MACC1: variants seen among roughly 807,000 people sequenced by gnomAD.
MACC1 encodes the protein MET transcriptional regulator MACC1.
A neutral mutation model predicts 70.7 loss-of-function variants in MACC1; 79 were observed. The ratio of observed to expected loss-of-function variants is 1.12; its 90% CI spans 0.93 to 1.35. The LOEUF (loss-of-function observed/expected upper bound fraction) is 1.35, where lower values mean the gene tolerates loss of function less well. Ranked by LOEUF, MACC1 falls within the 40% of genes most tolerant of loss-of-function variation. The pLI is 0.00. For synonymous variants in MACC1, 361 were observed against 347.2 expected, an observed-to-expected ratio of 1.04 and a Z score of -0.44; for missense variants, 1,106 against 978.1, an observed-to-expected ratio of 1.13 and a Z score of -1.74.
At chr7:20,152,436 G>A (rs537682157) in intron 6 of MACC1, among the ~76,000 whole-genome samples, 2 of 152,206 alleles carry the variant, frequency 1.3e-5, no homozygotes, top group Admixed American at 6.5e-5. Context: ...TTAGGAGGTT[G>A]GAAATTAGCA....
chr7:20,163,400 C>A (rs1227034995), intron 3 of MACC1, among the ~76,000 whole-genome samples: 18 of 152,216 alleles, frequency 1.2e-4, no homozygotes, highest in Non-Finnish European at 1.0e-4. Context: ...TAGTACCCAA[C>A]AATTCCAATC....
intron 4 of MACC1, 51 bp downstream of exon 4, chr7:20,161,697 G>T (rs1199898121): frequency 9.1e-7 from 1 of 1,095,614 alleles, no homozygotes; most frequent in South Asian, 1.4e-5. Context: ...TATTGGTGAT[G>T]AATTTCATAT....
chr7:20,190,224 T>C (rs1036110658), intron 1 of MACC1, among the ~76,000 whole-genome samples: 12 of 152,258 alleles, frequency 7.9e-5, no homozygotes, highest in Non-Finnish European at 1.2e-4. Flanking sequence ...CCCTGTGACC[T>C]AACACCAAAC....
chr7:20,156,691 T>C (rs1782059353), intron 5 of MACC1, among the ~76,000 whole-genome samples: 1 of 152,172 alleles, frequency 6.6e-6, no homozygotes, highest in African/African-American at 2.4e-5. Context: ...CAACTGGATA[T>C]AGGAGCTTTT....
At position 20,158,618 on chromosome 7, in the gene MACC1, G is replaced by C; in HGVS notation, c.1743C>G (p.Leu581=). Residue 581 remains leucine (L), a synonymous_variant, in exon 5 of 7, where the codon CTC becomes CTG. Coordinates refer to ENST00000400331, the MANE Select transcript of MACC1 (RefSeq NM_182762.4). ...CAATAGCTTTTACCTTACCTTCCCC[G>C]AGGAGAGCTATTGTGTCCCCTTTGA... The part of the protein sequence containing the change: ...EYFKGDTIAL[L]GEGKVKAIGQ... The C allele has an allele frequency of 6.2e-7, 1 of 1,613,904 alleles. No homozygotes were observed. Among genetic ancestry groups the C allele is most frequent in the East Asian group, 2.2e-5 (1 of 44,864 alleles).
chr7:20,166,587 T>C (rs1484465090), intron 2 of MACC1, among the ~76,000 whole-genome samples: 3 of 152,172 alleles, frequency 2.0e-5, no homozygotes, highest in Non-Finnish European at 4.4e-5. Context: ...TGACCAAATA[T>C]TTAAAAGACC....
At chr7:20,209,299 G>A (rs1259956912) in intron 1 of MACC1, among the ~76,000 whole-genome samples, 1 of 152,240 alleles carries the variant, frequency 6.6e-6, no homozygotes, top group Non-Finnish European at 1.5e-5. Context: ...GACAATGCCA[G>A]CCTGTGAAAG....
chr7:20,186,753 T>G (rs965277835), intron 1 of MACC1, among the ~76,000 whole-genome samples: 52 of 152,130 alleles, frequency 3.4e-4, no homozygotes, highest in African/African-American at 1.0e-3. Context: ...GATGTTAATC[T>G]CTACACAATT....
chr7:20,169,448 G>A (rs776311354), intron 2 of MACC1, among the ~76,000 whole-genome samples: 4 of 152,190 alleles, frequency 2.6e-5, no homozygotes, highest in African/African-American at 7.2e-5. Context: ...TGGACAAGAC[G>A]TGGGTTTATA....
At chr7:20,151,054 G>GA (rs58699284) in intron 6 of MACC1, among the ~76,000 whole-genome samples, 447 of 99,418 alleles carry the variant, frequency 4.5e-3, no homozygotes, top group African/African-American at 6.2e-3. Context: ...TCTCAAAGGA[G>GA]AAAAAAAAAA....
intron 6 of MACC1, among the ~76,000 whole-genome samples, chr7:20,147,259 C>T (rs1781906113): frequency 6.6e-6 from 1 of 152,106 alleles, no homozygotes; most frequent in Non-Finnish European, 1.5e-5. Flanking sequence ...AATGAAATGC[C>T]ACATGAGTAG....
At chr7:20,168,479 G>A (rs1562589623) in intron 2 of MACC1, among the ~76,000 whole-genome samples, 1 of 152,096 alleles carries the variant, frequency 6.6e-6, no homozygotes, top group African/African-American at 2.4e-5. Flanking sequence ...AGTGATCATA[G>A]AACACAAAGA....
intron 1 of MACC1, among the ~76,000 whole-genome samples, chr7:20,213,237 A>G (rs544992430): frequency 6.6e-6 from 1 of 152,336 alleles, no homozygotes; most frequent in Non-Finnish European, 1.5e-5. Flanking sequence ...ATCATCTAAC[A>G]CCAGTCCGAA....
At chr7:20,169,937 A>G (rs555225761) in intron 2 of MACC1, among the ~76,000 whole-genome samples, 26 of 152,186 alleles carry the variant, frequency 1.7e-4, no homozygotes, top group African/African-American at 3.4e-4. Context: ...AACTTTGCCA[A>G]CTGGGCCCAT....
chr7:20,137,586 T>A lies in MACC1; in HGVS notation c.*3360A>T, dbSNP rs747801317. The A allele has an allele frequency of 6.6e-6, 1 of 152,220 alleles. No individual in the cohort carries two copies. The highest frequency in any genetic ancestry group is 1.9e-4 in the East Asian group (1 of 5,208). 9.4% of individuals were successfully genotyped at this position (152,220 alleles called of 1,614,324 possible). ...AAAGCCTGAGGAACTGAAAGAACCA[T>A]GTAAACATTTTCTGCTTTCAAAATG... On this transcript the variant is annotated 3_prime_UTR_variant, in exon 7 of 7. Coordinates refer to ENST00000400331, the MANE Select transcript of MACC1 (RefSeq NM_182762.4).
chr7:20,178,855 C>G (rs978863517), intron 1 of MACC1, among the ~76,000 whole-genome samples: 2 of 152,194 alleles, frequency 1.3e-5, no homozygotes, highest in Non-Finnish European at 2.9e-5. Flanking sequence ...CCATCTTGGC[C>G]TCCCAAAGTG....
chr7:20,159,252 G>A lies in MACC1; in HGVS notation c.1109C>T (p.Thr370Ile), dbSNP rs149974455. 1.5e-5 allele frequency: 25 copies of A among 1,613,706 alleles called. No individual in the cohort carries two copies. The highest frequency in any genetic ancestry group is 2.1e-5 in the Non-Finnish European group (25 of 1,179,962). The change falls in exon 5 of 7, where the codon ACC (threonine) becomes ATC (isoleucine). Residue 370 changes from threonine (T) to isoleucine (I), a missense_variant. Transcript: ENST00000400331. The stretch of plus-strand genomic sequence containing the variant: ...TTTGGGTCCATAAATTCCAATTGAG[G>A]TGGTTTTGTGGATATAATCCCAAAT... The part of the protein sequence containing the change: ...ATIWDYIHKT[T>I]SIGIYGPKYI...
chr7:20,183,543 A>G (rs1246628509), intron 1 of MACC1, among the ~76,000 whole-genome samples: 4 of 152,188 alleles, frequency 2.6e-5, no homozygotes, highest in Non-Finnish European at 2.9e-5. Context: ...TCTAAGTTTA[A>G]ATGGTAATTT....
rs1441266059 is a variant in MACC1 at position 20,140,658 on chromosome 7, G to A, written c.*288C>T. ...CTAAGAACAAAGCAGCCTAATACTT[G>A]TATTTGAAACATACACAAAAATACA... On this transcript the variant is annotated 3_prime_UTR_variant, in exon 7 of 7. Coordinates refer to ENST00000400331, the MANE Select transcript of MACC1 (RefSeq NM_182762.4). 3.4e-6 allele frequency: 1 copy of A among 298,442 alleles called. No homozygotes were observed. Among genetic ancestry groups the A allele is most frequent in the Non-Finnish European group, 6.1e-6 (1 of 163,914 alleles). 18.5% of individuals were successfully genotyped at this position (298,442 alleles called of 1,614,324 possible).
Sources: allele counts gnomAD v4.1 joint callset (sites outside exome capture counted in the v4.1 genomes callset), GRCh38; gene constraint gnomAD v4.1.1; transcripts MANE v1.5; gene names NCBI Gene and HGNC (gene_info 2026-07-23, HGNC 2026-07-21).